GABRG3: variants seen among roughly 807,000 people sequenced by gnomAD.
The protein encoded by GABRG3 is gamma-aminobutyric acid receptor subunit gamma-3.
GABRG3 carries 25 observed loss-of-function variants against 48.8 expected under a neutral mutation model. That is an observed-to-expected ratio of 0.51 (90% CI 0.37 to 0.72). The LOEUF is 0.72. Among genes scored for constraint, GABRG3 ranks in the 30% least tolerant of loss-of-function variants. The pLI is 0.00. For synonymous variants in GABRG3, 227 were observed against 217.6 expected, an observed-to-expected ratio of 1.04 and a Z score of -0.38; for missense variants, 394 against 577.9, an observed-to-expected ratio of 0.68 and a Z score of 3.26.
At chr15:27,073,203 A>C (rs1896856691) in intron 3 of GABRG3, among the ~76,000 whole-genome samples, 2 of 152,226 alleles carry the variant, frequency 1.3e-5, no homozygotes, top group Admixed American at 6.5e-5. Context: ...AGAGGAGTTC[A>C]CACAGCCTTC....
At chr15:27,504,237 A>C (rs1056976184) in intron 6 of GABRG3, among the ~76,000 whole-genome samples, 1 of 150,942 alleles carries the variant, frequency 6.6e-6, no homozygotes, top group African/African-American at 2.4e-5. Context: ...TCTTTTTCTC[A>C]TCTTTTGTTC....
At chr15:27,128,301 C>G (rs1237402768) in intron 3 of GABRG3, among the ~76,000 whole-genome samples, 2 of 152,184 alleles carry the variant, frequency 1.3e-5, no homozygotes. Flanking sequence ...GTGTGTCGCT[C>G]TACCTTGTGG....
chr15:27,039,447 C>T (rs946514274), intron 3 of GABRG3, among the ~76,000 whole-genome samples: 4 of 152,238 alleles, frequency 2.6e-5, no homozygotes, highest in East Asian at 1.9e-4. Context: ...ATTTCTTAGC[C>T]GGCTGCACCA....
At chr15:27,101,008 G>A (rs1897346412) in intron 3 of GABRG3, among the ~76,000 whole-genome samples, 1 of 152,142 alleles carries the variant, frequency 6.6e-6, no homozygotes, top group Non-Finnish European at 1.5e-5. Context: ...AAGTAGATTG[G>A]CAAGAGTAAA....
At chr15:27,486,936 C>G (rs1232155212) in intron 6 of GABRG3, among the ~76,000 whole-genome samples, 1 of 152,120 alleles carries the variant, frequency 6.6e-6, no homozygotes, top group Non-Finnish European at 1.5e-5. Flanking sequence ...AGATTTATAT[C>G]TTGAATGCAA....
intron 5 of GABRG3, among the ~76,000 whole-genome samples, chr15:27,360,641 G>T (rs1595703707): frequency 6.6e-6 from 1 of 152,178 alleles, no homozygotes; most frequent in Admixed American, 6.5e-5. Context: ...CCTTGGGTGT[G>T]TCCTTGGGTT....
At chr15:27,046,731 T>G (rs543968604) in intron 3 of GABRG3, among the ~76,000 whole-genome samples, 1 of 152,316 alleles carries the variant, frequency 6.6e-6, no homozygotes. Context: ...TTTTTGGAGG[T>G]CTGAAAATAG....
chr15:27,220,163 A>G (rs1889404935), intron 3 of GABRG3, among the ~76,000 whole-genome samples: 1 of 152,228 alleles, frequency 6.6e-6, no homozygotes. Context: ...TCAGGAAAGC[A>G]GAAGTTACAG....
chr15:27,470,423 G>A (rs1393813339), intron 5 of GABRG3, among the ~76,000 whole-genome samples: 1 of 151,642 alleles, frequency 6.6e-6, no homozygotes, highest in African/African-American at 2.4e-5. Context: ...AGTAGAGATG[G>A]GGTTTCACCG....
chr15:27,484,228 G>A (rs560957797), intron 6 of GABRG3, among the ~76,000 whole-genome samples: 29 of 152,254 alleles, frequency 1.9e-4, no homozygotes, highest in African/African-American at 3.9e-4. Flanking sequence ...GAGCCACTGC[G>A]CCCAGCAAAT....
intron 5 of GABRG3, among the ~76,000 whole-genome samples, chr15:27,433,740 T>A (rs1888526237): frequency 6.6e-6 from 1 of 152,306 alleles, no homozygotes; most frequent in Non-Finnish European, 1.5e-5. Context: ...AAGAGGCTGC[T>A]GAATAAATCA....
chr15:27,355,319 G>A (rs1393982540), intron 5 of GABRG3, among the ~76,000 whole-genome samples: 1 of 152,150 alleles, frequency 6.6e-6, no homozygotes, highest in African/African-American at 2.4e-5. Context: ...TGGGCAAAGG[G>A]TTTGAATAGA....
At chr15:26,986,478 T>C (rs991486954) in intron 2 of GABRG3, among the ~76,000 whole-genome samples, 1 of 152,096 alleles carries the variant, frequency 6.6e-6, no homozygotes, top group Non-Finnish European at 1.5e-5. Flanking sequence ...CCCCACCTCT[T>C]CCTCACCACT....
chr15:27,458,702 T>A (rs970424272), intron 5 of GABRG3, among the ~76,000 whole-genome samples: 2 of 149,748 alleles, frequency 1.3e-5, no homozygotes, highest in African/African-American at 5.0e-5. Context: ...AAAAAAAAAA[T>A]AACCAAAAGG....
At chr15:27,235,130 C>G (rs1889916371) in intron 3 of GABRG3, among the ~76,000 whole-genome samples, 1 of 151,540 alleles carries the variant, frequency 6.6e-6, no homozygotes, top group Non-Finnish European at 1.5e-5. Flanking sequence ...CTCCAGATGT[C>G]CTAGATTTTG....
At chr15:27,053,437 A>G (rs1896488161) in intron 3 of GABRG3, among the ~76,000 whole-genome samples, 1 of 152,246 alleles carries the variant, frequency 6.6e-6, no homozygotes, top group East Asian at 1.9e-4. Context: ...ACAGTGAGAC[A>G]CCATCTCACG....
chr15:27,055,803 G>T lies in GABRG3; in HGVS notation c.270+28982G>T, dbSNP rs543684902. 9.2e-5 allele frequency among the ~76,000 whole-genome samples: 14 copies of T among 152,012 alleles called. No homozygotes were observed. In the East Asian group the frequency reaches 2.5e-3, roughly 27 times the overall value. On this transcript the variant is annotated intron_variant, in intron 3 of 9. Coordinates refer to ENST00000615808, the MANE Select transcript of GABRG3 (RefSeq NM_033223.5). ...CCAGTAATGATGGAGATTATCAAAG[G>T]TTTGAGAACAAAGCAAAAGCATTCT...
intron 3 of GABRG3, among the ~76,000 whole-genome samples, chr15:27,094,655 C>G (rs1595521106): frequency 6.6e-6 from 1 of 152,098 alleles, no homozygotes; most frequent in African/African-American, 2.4e-5. Context: ...ATTATGTCAC[C>G]TACATTTGCA....
chr15:27,154,695 G>T (rs28688333), intron 3 of GABRG3, among the ~76,000 whole-genome samples: 1 of 152,000 alleles, frequency 6.6e-6, no homozygotes, highest in East Asian at 1.9e-4. Context: ...TGTGGTCATT[G>T]TATATAATTA....
Sources: gnomAD v4.1 joint callset for allele counts (sites outside exome capture counted in the v4.1 genomes callset) on GRCh38, gnomAD v4.1.1 for gene constraint, MANE v1.5 for transcripts, NCBI Gene and HGNC (gene_info 2026-07-23, HGNC 2026-07-21) for gene names.